GCC2: variants seen among roughly 807,000 people sequenced by gnomAD.
GCC2 encodes GRIP and coiled-coil domain containing 2, also known as GRIP and coiled-coil domain-containing protein 2.
A neutral mutation model predicts 210.6 loss-of-function variants in GCC2; 120 were observed. The ratio of observed to expected loss-of-function variants is 0.57; its 90% CI spans 0.49 to 0.66. GCC2 has a LOEUF of 0.66. Ranked by LOEUF, GCC2 falls within the 30% of genes least tolerant of loss-of-function variation. The probability of loss-of-function intolerance (pLI) is 0.00; values close to 1 mark genes in which losing one functional copy is unlikely to be tolerated. For synonymous variants in GCC2, 703 were observed against 652.7 expected, an observed-to-expected ratio of 1.08 and a Z score of -1.17; for missense variants, 1,868 against 1,871.9, an observed-to-expected ratio of 1.00 and a Z score of 0.04.
intron 15 of GCC2, 43 bp downstream of exon 15, chr2:108,485,951 G>A: frequency 1.1e-6 from 1 of 920,078 alleles, no homozygotes; most frequent in Admixed American, 2.5e-5. Context: ...GTTTTTTCAT[G>A]TAGAAGTGAG....
Position 108,507,750 on chromosome 2 carries a change from G to C in GCC2, c.*120G>C. On this transcript the variant is annotated 3_prime_UTR_variant, in exon 23 of 23. Transcript: ENST00000309863. ...TATATGTTTGCATCTACATATATTTGTACATCTATATGACAGATGTATTTT... is the reference window on the plus strand; with the variant it reads ...TATATGTTTGCATCTACATATATTTCTACATCTATATGACAGATGTATTTT... 1 of 715,588 alleles carries C rather than the reference G, an allele frequency of 1.4e-6. No individual in the cohort carries two copies. Among genetic ancestry groups the C allele is most frequent in the Non-Finnish European group, 2.4e-6 (1 of 419,612 alleles). 44.3% of individuals were successfully genotyped at this position (715,588 alleles called of 1,614,324 possible).
At chr2:108,501,630 G>A (rs923040642) in intron 22 of GCC2, among the ~76,000 whole-genome samples, 1 of 151,920 alleles carries the variant, frequency 6.6e-6, no homozygotes, top group African/African-American at 2.4e-5. Flanking sequence ...ACTGATAAGA[G>A]TCATCCTCAA....
At chr2:108,482,063 G>A (rs774881096) in intron 10 of GCC2, among the ~76,000 whole-genome samples, 9 of 152,042 alleles carry the variant, frequency 5.9e-5, no homozygotes, top group Non-Finnish European at 1.3e-4. Context: ...TTTCGTTTCT[G>A]CTCTTTGCTC....
chr2:108,463,816 T>C (rs896800429), intron 4 of GCC2, among the ~76,000 whole-genome samples: 8 of 152,076 alleles, frequency 5.3e-5, no homozygotes, highest in East Asian at 3.9e-4. Context: ...TGATCAGCAT[T>C]GGTTTTGGCA....
At chr2:108,485,000 G>A (rs1239709899) in intron 13 of GCC2, among the ~76,000 whole-genome samples, 1 of 151,714 alleles carries the variant, frequency 6.6e-6, no homozygotes, top group African/African-American at 2.4e-5. Flanking sequence ...CATAAAAAAT[G>A]ATGAGTTCAT....
rs777001660 is a variant in GCC2 at position 108,472,977 on chromosome 2, G to A, written c.2860+78G>A. ...GTGTTAGAATAGATTGGGAAATATA[G>A]TAGCCAAATAATGAGTTGTTAAAAA... On this transcript the variant is annotated intron_variant, in intron 7 of 22. Transcript: ENST00000309863. 9 of 812,664 alleles carry A rather than the reference G, an allele frequency of 1.1e-5. No homozygotes were observed. The Admixed American group carries it at 2.4e-4, about 22-fold the overall frequency. 50.3% of individuals were successfully genotyped at this position (812,664 alleles called of 1,614,324 possible). A position where few individuals can be genotyped will look rare whatever the true frequency, so the allele number is the denominator to read the frequency against.
intron 4 of GCC2, among the ~76,000 whole-genome samples, chr2:108,463,350 T>C (rs1178075675): frequency 2.0e-5 from 3 of 152,198 alleles, no homozygotes. Flanking sequence ...TAATTTACTT[T>C]TGTAGGGAAG....
rs200251764 is a variant in GCC2 at position 108,500,748 on chromosome 2, G to A, written c.4984+994G>A. Among the ~76,000 whole-genome samples, 11 of 152,224 alleles carry A rather than the reference G, an allele frequency of 7.2e-5. No homozygotes were observed. In the East Asian group the frequency reaches 9.7e-4, roughly 13 times the overall value. On this transcript the variant is annotated intron_variant, in intron 22 of 22. Coordinates refer to ENST00000309863, the MANE Select transcript of GCC2 (RefSeq NM_181453.4). ...AGGAAGACACTATAATCTCTCTTGCGTTGTCACCCATCTCTAAGTTTTCAA... is the reference window on the plus strand; with the variant it reads ...AGGAAGACACTATAATCTCTCTTGCATTGTCACCCATCTCTAAGTTTTCAA...
chr2:108,503,167 TAAA>T (rs1044712389), intron 22 of GCC2, among the ~76,000 whole-genome samples: 1 of 142,670 alleles, frequency 7.0e-6, no homozygotes, highest in East Asian at 2.4e-4. Context: ...CAAGCAGTAT[TAAA>T]AAAAAAAGAA....
intron 4 of GCC2, among the ~76,000 whole-genome samples, chr2:108,464,086 G>T (rs1680741664): frequency 6.6e-6 from 1 of 152,074 alleles, no homozygotes; most frequent in African/African-American, 2.4e-5. Context: ...GCCGGCTGTG[G>T]TTTATAAGGG....
At position 108,507,878 on chromosome 2, in the gene GCC2, C is replaced by G. The variant is rs1361372018; in HGVS notation, c.*248C>G. 3 of 346,938 alleles carry G rather than the reference C, an allele frequency of 8.6e-6. No homozygotes were observed. The highest frequency in any genetic ancestry group is 1.7e-5 in the Non-Finnish European group (3 of 181,506). 21.5% of individuals were successfully genotyped at this position (346,938 alleles called of 1,614,324 possible). On this transcript the variant is annotated 3_prime_UTR_variant, in exon 23 of 23. Transcript: ENST00000309863. ...TCCCATGCATGCTGCCAGAATAAAA[C>G]CACCAGGAATGAATTCACTCCCCAC...
intron 17 of GCC2, among the ~76,000 whole-genome samples, chr2:108,489,161 CA>C (rs539082302): frequency 1.2e-4 from 18 of 152,226 alleles, no homozygotes; most frequent in Non-Finnish European, 2.4e-4. Context: ...TGCTCTTCTT[CA>C]GGGATTATCT....
At chr2:108,486,858 CATG>C (rs1682167568) in intron 16 of GCC2, among the ~76,000 whole-genome samples, 1 of 152,180 alleles carries the variant, frequency 6.6e-6, no homozygotes, top group South Asian at 2.1e-4. Context: ...AAAGGAAAAA[CATG>C]ATGTTTTTTC....
At chr2:108,474,019 G>A (rs1449297942) in intron 7 of GCC2, among the ~76,000 whole-genome samples, 1 of 151,636 alleles carries the variant, frequency 6.6e-6, no homozygotes, top group East Asian at 1.9e-4. Context: ...TTAGCCGGGC[G>A]TTGTGGCGGG....
Position 108,508,815 on chromosome 2 carries a change from A to C in GCC2, c.*1185A>C, listed in dbSNP as rs1258049070. On this transcript the variant is annotated 3_prime_UTR_variant, in exon 23 of 23. Transcript: ENST00000309863. The stretch of plus-strand genomic sequence containing the variant: ...CAAACTGTGTTGTTCTTAAATCAAA[A>C]ATTGGATAATTTGTAATATTTATGT... 1 of 152,598 alleles carries C rather than the reference A, an allele frequency of 6.6e-6. No individual in the cohort carries two copies. The highest frequency in any genetic ancestry group is 1.9e-4 in the East Asian group (1 of 5,196). The allele number at this position is 152,598 out of a possible 1,614,324, so 9.5% of individuals were successfully genotyped here. A position where few individuals can be genotyped will look rare whatever the true frequency, so the allele number is the denominator to read the frequency against.
intron 4 of GCC2, among the ~76,000 whole-genome samples, chr2:108,461,068 A>G (rs1680544602): frequency 6.6e-6 from 1 of 152,228 alleles, no homozygotes; most frequent in South Asian, 2.1e-4. Context: ...TAAATTACCC[A>G]GGCTCAGATA....
At chr2:108,487,900 A>C in intron 17 of GCC2, 80 bp downstream of exon 17, 1 of 647,634 alleles carries the variant, frequency 1.5e-6, no homozygotes, top group Non-Finnish European at 2.2e-6. Context: ...TCCTATTATG[A>C]TTTTTTTTTT....
chr2:108,452,672 C>T lies in GCC2; in HGVS notation c.216+206C>T, dbSNP rs567695298. Among the ~76,000 whole-genome samples, 5 of 148,558 alleles carry T rather than the reference C, an allele frequency of 3.4e-5. No individual in the cohort carries two copies. The South Asian group carries it at 8.5e-4, about 25-fold the overall frequency. On this transcript the variant is annotated intron_variant, in intron 4 of 22. Coordinates refer to ENST00000309863, the MANE Select transcript of GCC2 (RefSeq NM_181453.4). ...AAATTATTATTCTACTCTCTTCCCA[C>T]GTATTTTCTTTTTTCTTTCTTTTTT...
At chr2:108,461,978 G>T (rs985879736) in intron 4 of GCC2, among the ~76,000 whole-genome samples, 1 of 141,830 alleles carries the variant, frequency 7.1e-6, no homozygotes, top group Admixed American at 7.2e-5. Context: ...GACTACAGGC[G>T]CCCACCACCG....
Sources: allele counts gnomAD v4.1 joint callset (sites outside exome capture counted in the v4.1 genomes callset), GRCh38; gene constraint gnomAD v4.1.1; transcripts MANE v1.5; gene names NCBI Gene and HGNC (gene_info 2026-07-23, HGNC 2026-07-21).